Variants in PAICS observed in about 807,000 individuals in gnomAD.
PAICS encodes phosphoribosylaminoimidazole carboxylase and phosphoribosylaminoimidazolesuccinocarboxamide synthase.
A neutral mutation model predicts 53.7 loss-of-function variants in PAICS; 33 were observed. The ratio of observed to expected loss-of-function variants is 0.61; its 90% CI spans 0.47 to 0.82. The LOEUF (loss-of-function observed/expected upper bound fraction) is 0.82. Ranked by LOEUF, PAICS falls within the 40% of genes least tolerant of loss-of-function variation. The probability of loss-of-function intolerance (pLI) is 0.00; values close to 1 mark genes in which losing one functional copy is unlikely to be tolerated. For synonymous variants in PAICS, 141 were observed against 167.2 expected (o/e 0.84, Z 1.21); for missense variants, 394 against 494.1 (o/e 0.80, Z 1.92).
chr4:56,438,590 C>A (rs1394174591), intron 1 of PAICS, among the ~76,000 whole-genome samples: 1 of 151,500 alleles, frequency 6.6e-6, no homozygotes, highest in African/African-American at 2.4e-5. Flanking sequence ...CACTCCACCA[C>A]ACCCGGCTAA....
At chr4:56,433,376 C>CATTTA (rs2110071801), upstream of PAICS, among the ~76,000 whole-genome samples, 1 of 141,036 alleles carries the variant, frequency 7.1e-6, no homozygotes, top group East Asian at 2.0e-4. Flanking sequence ...TATATGTAAC[C>CATTTA]AGGAATCAAA....
the PAICS span, chr4:56,428,899 T>C: frequency 1.6e-5 from 9 of 558,370 alleles, no homozygotes; most frequent in African/African-American, 1.4e-4. Context: ...GTGTTTCAAA[T>C]GATGTCACAT....
chr4:56,444,320 T>C (rs1485767682), intron 2 of PAICS, among the ~76,000 whole-genome samples: 1 of 152,208 alleles, frequency 6.6e-6, no homozygotes, highest in Admixed American at 6.5e-5. Flanking sequence ...GATTTGGTTT[T>C]ATTACTTAAA....
rs11359661 is a variant in PAICS at position 56,463,694 on chromosome 4, C to CAAAAAAAAAAAAAAAAAAAA, written c.*4173_*4174insAAAAAAAAAAAAAAAAAAAA. ...GGCAACAAGAGCGAAAATCTGTCGC[C>CAAAAAAAAAAAAAAAAAAAA]AAAAAAAAAAAAAAAAAGATACTGT... On this transcript the variant is annotated 3_prime_UTR_variant, in exon 9 of 9. Coordinates refer to ENST00000512576, the MANE Select transcript of PAICS (RefSeq NM_001079524.2). The CAAAAAAAAAAAAAAAAAAAA allele has an allele frequency of 9.4e-6, 1 of 106,772 alleles. No individual in the cohort carries two copies. Among genetic ancestry groups the CAAAAAAAAAAAAAAAAAAAA allele is most frequent in the Non-Finnish European group, 2.1e-5 (1 of 48,516 alleles). 6.6% of individuals were successfully genotyped at this position (106,772 alleles called of 1,614,324 possible). A position where few individuals can be genotyped will look rare whatever the true frequency, so the allele number is the denominator to read the frequency against.
the PAICS span, among the ~76,000 whole-genome samples, chr4:56,411,922 T>G: frequency 6.6e-6 from 1 of 152,230 alleles, no homozygotes; most frequent in Admixed American, 6.5e-5. Context: ...GAATCCACCC[T>G]GCCTACATTC....
chr4:56,459,067 T>C (rs1719367675), intron 8 of PAICS, among the ~76,000 whole-genome samples: 1 of 152,202 alleles, frequency 6.6e-6, no homozygotes, highest in South Asian at 2.1e-4. Context: ...TTGAAAGGGA[T>C]AGTGTATGTG....
Position 56,459,370 on chromosome 4 carries a change from A to C in PAICS, c.1112-2A>C. ...TCTGTCTTTTCCTTGCTGAACCAAT[A>C]GGTCTTGGCTGTTCAACCGTACTTT... is the stretch of plus-strand genomic sequence containing the variant. On this transcript the variant is annotated splice_acceptor_variant, in intron 8 of 8. Coordinates refer to ENST00000512576, the MANE Select transcript of PAICS (RefSeq NM_001079524.2). LOFTEE classifies it high-confidence loss of function. 6.5e-7 allele frequency: 1 copy of C among 1,529,858 alleles called. No homozygotes were observed. Among genetic ancestry groups the C allele is most frequent in the Non-Finnish European group, 8.8e-7 (1 of 1,132,466 alleles). 94.8% of individuals were successfully genotyped at this position (1,529,858 alleles called of 1,614,324 possible). A position where few individuals can be genotyped will look rare whatever the true frequency, so the allele number is the denominator to read the frequency against.
chr4:56,438,369 GTTTATATATATATATA>G (rs1006603441), intron 1 of PAICS, among the ~76,000 whole-genome samples: 4 of 44,624 alleles, frequency 9.0e-5, no homozygotes, highest in Non-Finnish European at 2.0e-4. Context: ...GGTGCAATGT[GTTTATATATATATATA>G]TATATATATA....
At chr4:56,419,948 T>G in the PAICS span, 1 of 983,962 alleles carries the variant, frequency 1.0e-6, no homozygotes, top group Non-Finnish European at 1.2e-6. Flanking sequence ...TGGATGCTAT[T>G]CTGGGACCCA....
At chr4:56,436,511 G>C in intron 1 of PAICS, 183 bp downstream of exon 1, 1 of 715,184 alleles carries the variant, frequency 1.4e-6, no homozygotes, top group Non-Finnish European at 2.6e-6. Context: ...CTCGGGGATG[G>C]GGAGAAGGAG....
chr4:56,440,400 T>A (rs1718274665), intron 1 of PAICS, among the ~76,000 whole-genome samples: 1 of 152,214 alleles, frequency 6.6e-6, no homozygotes, highest in African/African-American at 2.4e-5. Flanking sequence ...TTACAACTAC[T>A]TTGTTTAATG....
upstream of PAICS, chr4:56,435,747 G>C: frequency 1.3e-6 from 2 of 1,488,898 alleles, no homozygotes; most frequent in South Asian, 2.6e-5. Flanking sequence ...CTGTAGGGTG[G>C]AGCTAGCCTT....
At chr4:56,422,200 G>C in the PAICS span, 8 of 152,154 alleles carry the variant, frequency 5.3e-5, no homozygotes, top group Non-Finnish European at 1.0e-4. Context: ...TTGGAACCTG[G>C]GAGGCAGAGG....
intron 2 of PAICS, chr4:56,446,401 TTG>T (rs1479699996): frequency 1.4e-6 from 1 of 718,134 alleles, no homozygotes; most frequent in South Asian, 1.5e-5. Flanking sequence ...CTTTTGCATT[TTG>T]TGTTTTTCAT....
intron 1 of PAICS, among the ~76,000 whole-genome samples, chr4:56,437,267 G>GTGTA (rs1718059353): frequency 6.8e-6 from 1 of 147,372 alleles, no homozygotes; most frequent in South Asian, 2.4e-4. Context: ...GTGTGTGTGT[G>GTGTA]TGTGTGTGTG....
chr4:56,435,322 C>T (rs763444167), upstream of PAICS: 1 of 1,612,134 alleles, frequency 6.2e-7, no homozygotes, highest in East Asian at 2.2e-5. Flanking sequence ...GAGACGCACG[C>T]CCCCGCCACC....
chr4:56,459,187 C>T (rs1459599203), intron 8 of PAICS, among the ~76,000 whole-genome samples, 185 bp from the exon 9 acceptor site: 1 of 152,130 alleles, frequency 6.6e-6, no homozygotes, highest in Non-Finnish European at 1.5e-5. Flanking sequence ...ACTGCTTTTC[C>T]TCTTGTAATC....
At chr4:56,441,561 A>G in intron 1 of PAICS, 102 bp from the exon 2 acceptor site, 2 of 471,132 alleles carry the variant, frequency 4.2e-6, no homozygotes, top group Non-Finnish European at 7.6e-6. Flanking sequence ...TATTAATATT[A>G]CTTAATCACT....
At chr4:56,438,593 C>A (rs1718175467) in intron 1 of PAICS, among the ~76,000 whole-genome samples, 1 of 151,312 alleles carries the variant, frequency 6.6e-6, no homozygotes, top group African/African-American at 2.4e-5. Flanking sequence ...TCCACCACAC[C>A]CGGCTAATTT....
Sources: gnomAD v4.1 joint callset for allele counts (sites outside exome capture counted in the v4.1 genomes callset) on GRCh38, gnomAD v4.1.1 for gene constraint, MANE v1.5 for transcripts, NCBI Gene and HGNC (gene_info 2026-07-23, HGNC 2026-07-21) for gene names.